Variants in VARS2 observed in about 807,000 individuals in gnomAD.
VARS2 encodes valine--tRNA ligase, mitochondrial.
A neutral mutation model predicts 154.1 loss-of-function variants in VARS2; 105 were observed. The ratio of observed to expected loss-of-function variants is 0.68; its 90% confidence interval spans 0.58 to 0.80. VARS2 has a LOEUF of 0.80. Among genes scored for constraint, VARS2 ranks in the 30% least tolerant of loss-of-function variants. The pLI is 0.00. For synonymous variants in VARS2, 483 were observed against 539.5 expected (o/e 0.90, Z 1.45); for missense variants, 1,157 against 1,361.4 (o/e 0.85, Z 2.36).
Position 30,921,493 on chromosome 6 carries a change from C to A in VARS2, c.1633-96C>A. ...TTATCTCACCCCTGGGGGAACCTGGCCACTCTAAGACCACATGAGGACGTG... is the reference window on the plus strand; with the variant it reads ...TTATCTCACCCCTGGGGGAACCTGGACACTCTAAGACCACATGAGGACGTG... On this transcript the variant is annotated intron_variant, in intron 17 of 29. Coordinates refer to ENST00000676266, the MANE Select transcript of VARS2 (RefSeq NM_020442.6). This position sits in a 1 kb window ranked among gnomAD's most constrained non-coding sequence, Gnocchi z 4.6. 6.8e-7 allele frequency: 1 copy of A among 1,474,280 alleles called. No individual in the cohort carries two copies. The highest frequency in any genetic ancestry group is 1.2e-5 in the South Asian group (1 of 82,724). 91.3% of individuals were successfully genotyped at this position (1,474,280 alleles called of 1,614,324 possible).
At position 30,915,215 on chromosome 6, in the gene VARS2, T is replaced by C. The variant is rs1032521972; in HGVS notation, c.261T>C (p.Pro87=). The C allele has an allele frequency of 3.1e-6, 5 of 1,614,212 alleles. No individual in the cohort carries two copies. The highest frequency in any genetic ancestry group is 4.2e-6 in the Non-Finnish European group (5 of 1,180,020). The stretch of plus-strand genomic sequence containing the variant: ...AGGAGTTAGTATTGTATGAAATCCC[T>C]ACGAAACCCGGTGAAAAGAAAGGTA... The part of the protein sequence containing the change: ...RPKELVLYEI[P]TKPGEKKDVS... The change falls in exon 3 of 30, where the codon CCT becomes CCC. Residue 87 remains proline (P), a synonymous_variant. Coordinates refer to ENST00000676266, the MANE Select transcript of VARS2 (RefSeq NM_020442.6).
Position 30,914,458 on chromosome 6 carries a change from G to T in VARS2, c.-28+114G>T, listed in dbSNP as rs1410952588. 39 of 1,301,500 alleles carry T rather than the reference G, an allele frequency of 3.0e-5. No homozygotes were observed. Among genetic ancestry groups the T allele is most frequent in the Admixed American group, 3.8e-5 (1 of 26,126 alleles). 80.6% of individuals were successfully genotyped at this position (1,301,500 alleles called of 1,614,324 possible). On this transcript the variant is annotated intron_variant, in intron 1 of 29. Transcript: ENST00000676266. ...CGCCGGGCTGTGGGCACTGCAGGAG[G>T]CCCCTGTGCAGGTGGAGATCGCCGC...
Position 30,915,057 on chromosome 6 carries a change from G to A in VARS2, c.201+20G>A. 6.2e-7 allele frequency: 1 copy of A among 1,612,900 alleles called. No homozygotes were observed. The highest frequency in any genetic ancestry group is 8.5e-7 in the Non-Finnish European group (1 of 1,179,524). ...AGCAAGGTTAGGGGTCAGACAGCTT[G>A]TCCTTGGGTTTCTGAGACTTGAGAG... On this transcript the variant is annotated intron_variant, in intron 2 of 29. Coordinates refer to ENST00000676266, the MANE Select transcript of VARS2 (RefSeq NM_020442.6).
In VARS2 at chr6:30,920,483, T is replaced by C. The variant is rs373172402; in HGVS notation, c.1397+47T>C. 2.5e-5 allele frequency: 38 copies of C among 1,543,148 alleles called. No individual in the cohort carries two copies. Among genetic ancestry groups the C allele is most frequent in the Non-Finnish European group, 3.2e-5 (36 of 1,141,648 alleles). ...TACTAAGGGCTACCCCAAAAGGGAA[T>C]GTATGGAGCTTAAGGGTGACAATAG... On this transcript the variant is annotated intron_variant, in intron 14 of 29. Transcript: ENST00000676266. The surrounding 1 kb of genome is among the most constrained non-coding windows in gnomAD (Gnocchi z 4.6).
rs542371741 is a variant in VARS2 at position 30,918,748 on chromosome 6, G to T, written c.986-79G>T. On this transcript the variant is annotated intron_variant, in intron 10 of 29. Coordinates refer to ENST00000676266, the MANE Select transcript of VARS2 (RefSeq NM_020442.6). Reference sequence around the variant, plus strand: ...TACTCCCTGCCCCTTCCCCTTTCCAGTTCTACTGCCTTTAGCTATGTTGGC... The same window carrying T: ...TACTCCCTGCCCCTTCCCCTTTCCATTTCTACTGCCTTTAGCTATGTTGGC... 5 of 1,190,584 alleles carry T rather than the reference G, an allele frequency of 4.2e-6. No individual in the cohort carries two copies. The South Asian group carries it at 5.3e-5, about 13-fold the overall frequency. The allele number at this position is 1,190,584 out of a possible 1,614,324, so 73.8% of individuals were successfully genotyped here.
Position 30,920,125 on chromosome 6 carries a change from A to C in VARS2, c.1202A>C (p.Asp401Ala). ...GTGACTCCAGCTCACAGTCCTGCCG[A>C]TGCTGAGATGGGGGCCCGACATGGC... ...VKVTPAHSPA[D>A]AEMGARHGLS... The change falls in exon 13 of 30, where the codon GAT (aspartate) becomes GCT (alanine). Residue 401 changes from aspartate to alanine, a missense_variant. Asp to Ala is a moderately radical substitution (Grantham distance 126, BLOSUM62 -2). Transcript: ENST00000676266. This position sits in a 1 kb window ranked among gnomAD's most constrained non-coding sequence, Gnocchi z 4.6. The C allele has an allele frequency of 6.3e-7, 1 of 1,582,422 alleles. No homozygotes were observed. Among genetic ancestry groups the C allele is most frequent in the Non-Finnish European group, 8.6e-7 (1 of 1,163,920 alleles).
intron 19 of VARS2, 32 bp from the exon 20 acceptor site, chr6:30,922,084 C>A: frequency 6.2e-7 from 1 of 1,612,384 alleles, no homozygotes; most frequent in South Asian, 1.1e-5. Flanking sequence ...GGGCCTGGGG[C>A]CTGGGCCTCT....
intron 4 of VARS2, 53 bp from the exon 5 acceptor site, chr6:30,915,693 T>C: frequency 6.2e-7 from 1 of 1,605,810 alleles, no homozygotes; most frequent in Non-Finnish European, 8.5e-7. Context: ...TAGAGGGTGC[T>C]CTTTCCCCAA....
rs899631415 is a variant in VARS2 at position 30,916,799 on chromosome 6, A to G, written c.672-79A>G. The G allele has an allele frequency of 2.1e-6, 3 of 1,441,448 alleles. No individual in the cohort carries two copies. Among genetic ancestry groups the G allele is most frequent in the African/African-American group, 1.4e-5 (1 of 71,526 alleles). The allele number at this position is 1,441,448 out of a possible 1,614,324, so 89.3% of individuals were successfully genotyped here. A position where few individuals can be genotyped will look rare whatever the true frequency, so the allele number is the denominator to read the frequency against. ...ACTTGATTTTCCTCCAACACCTGGCATTGCTGGGGGCATCGCTGGGCCTGG... is the reference window on the plus strand; with the variant it reads ...ACTTGATTTTCCTCCAACACCTGGCGTTGCTGGGGGCATCGCTGGGCCTGG... On this transcript the variant is annotated intron_variant, in intron 7 of 29. Coordinates refer to ENST00000676266, the MANE Select transcript of VARS2 (RefSeq NM_020442.6). This position sits in a 1 kb window ranked among gnomAD's most constrained non-coding sequence, Gnocchi z 4.0.
At position 30,922,569 on chromosome 6, in the gene VARS2, C is replaced by T. The variant is rs776231339; in HGVS notation, c.2037+15C>T. 3 of 1,556,672 alleles carry T rather than the reference C, an allele frequency of 1.9e-6. No homozygotes were observed. The highest frequency in any genetic ancestry group is 8.7e-7 in the Non-Finnish European group (1 of 1,151,076). ...TGGAGATGCAGGTGAGGACGAAGCA[C>T]CCACTAGAGGGACAAGGTTTGCAGG... On this transcript the variant is annotated intron_variant, in intron 21 of 29. Transcript: ENST00000676266.
Position 30,917,705 on chromosome 6 carries a change from G to A in VARS2, c.884G>A (p.Arg295Gln), listed in dbSNP as rs748662260. Reference protein sequence around the residue: ...SAISDIEVENRPLPGHTQLRL... With the variant: ...SAISDIEVENQPLPGHTQLRL... Reference sequence around the variant, plus strand: ...TCTCGGTGCCTCCAGGTGGAGAACCGGCCCCTGCCTGGCCACACACAGCTT... The same window carrying A: ...TCTCGGTGCCTCCAGGTGGAGAACCAGCCCCTGCCTGGCCACACACAGCTT... Residue 295 changes from arginine to glutamine, a missense_variant, in exon 10 of 30, where the codon CGG (arginine) becomes CAG (glutamine). Transcript: ENST00000676266. The surrounding 1 kb of genome is among the most constrained non-coding windows in gnomAD (Gnocchi z 4.4). 7 of 1,558,944 alleles carry A rather than the reference G, an allele frequency of 4.5e-6. No homozygotes were observed. The highest frequency in any genetic ancestry group is 1.8e-4 in the Middle Eastern group (1 of 5,706).
intron 25 of VARS2, 179 bp downstream of exon 25, chr6:30,923,684 C>G (rs917125483): frequency 1.2e-6 from 1 of 866,970 alleles, no homozygotes; most frequent in African/African-American, 1.7e-5. Context: ...CAGTGCAGCC[C>G]AGGCACTGTT....
In VARS2 at chr6:30,919,722, A is replaced by T; in HGVS notation, c.1075-36A>T. 6.7e-7 allele frequency: 1 copy of T among 1,501,298 alleles called. No individual in the cohort carries two copies. The highest frequency in any genetic ancestry group is 9.0e-7 in the Non-Finnish European group (1 of 1,116,640). 93.0% of individuals were successfully genotyped at this position (1,501,298 alleles called of 1,614,324 possible). On this transcript the variant is annotated intron_variant, in intron 11 of 29. Transcript: ENST00000676266. The surrounding 1 kb of genome is among the most constrained non-coding windows in gnomAD (Gnocchi z 4.5). ...CAGCCCAGACCCTTCCAACCCTCAC[A>T]GGTGCCTGTCCTTGATCCCTCTCCC... is the stretch of plus-strand genomic sequence containing the variant.
chr6:30,922,796 C>G (rs1308861221), intron 22 of VARS2, 22 bp downstream of exon 22: 1 of 1,596,922 alleles, frequency 6.3e-7, no homozygotes, highest in East Asian at 2.2e-5. Context: ...CTGCCTGCCC[C>G]CCACCAGCTC....
Position 30,920,109 on chromosome 6 carries a change from G to C in VARS2, c.1186G>C (p.Ala396Pro). The C allele has an allele frequency of 6.4e-7, 1 of 1,558,724 alleles. No homozygotes were observed. Among genetic ancestry groups the C allele is most frequent in the Non-Finnish European group, 8.7e-7 (1 of 1,154,566 alleles). The change falls in exon 13 of 30, where the codon GCT becomes CCT. Residue 396 changes from alanine (A) to proline (P), a missense_variant. Ala to Pro is a conservative substitution (Grantham distance 27). Coordinates refer to ENST00000676266, the MANE Select transcript of VARS2 (RefSeq NM_020442.6). This position sits in a 1 kb window ranked among gnomAD's most constrained non-coding sequence, Gnocchi z 4.6. ...VGTGAVKVTP[A>P]HSPADAEMGA... ...CCAAGGGGCAGTGAAGGTGACTCCA[G>C]CTCACAGTCCTGCCGATGCTGAGAT...
chr6:30,919,803 C>T lies in VARS2; in HGVS notation c.1120C>T (p.Leu374Phe), dbSNP rs2150558437. 6.3e-7 allele frequency: 1 copy of T among 1,596,984 alleles called. No individual in the cohort carries two copies. The highest frequency in any genetic ancestry group is 8.6e-7 in the Non-Finnish European group (1 of 1,168,578). ...QLRHPLMGQP[L>F]PLITDYAVQP... ...TCGTCACCCCTTGATGGGGCAGCCTCTTCCCCTCATCACAGACTATGCTGT... is the reference window on the plus strand; with the variant it reads ...TCGTCACCCCTTGATGGGGCAGCCTTTTCCCCTCATCACAGACTATGCTGT... Residue 374 changes from leucine (L) to phenylalanine (F), a missense_variant, in exon 12 of 30, where the codon CTT becomes TTT. Coordinates refer to ENST00000676266, the MANE Select transcript of VARS2 (RefSeq NM_020442.6). The surrounding 1 kb of genome is among the most constrained non-coding windows in gnomAD (Gnocchi z 4.5).
In VARS2 at chr6:30,916,216, C is replaced by G. The variant is rs1224464279; in HGVS notation, c.638C>G (p.Ala213Gly). ...GVRRHELSRE[A>G]FLREVWQWKE... ...AGGAGACATGAGCTGAGCCGGGAGGCCTTCCTTAGGGAGGTGTGGCAGTGG... is the reference window on the plus strand; with the variant it reads ...AGGAGACATGAGCTGAGCCGGGAGGGCTTCCTTAGGGAGGTGTGGCAGTGG... Residue 213 changes from alanine (A) to glycine (G), a missense_variant, in exon 7 of 30, where the codon GCC becomes GGC. By Grantham distance (60) the Ala-to-Gly change is moderately conservative (BLOSUM62 0). Coordinates refer to ENST00000676266, the MANE Select transcript of VARS2 (RefSeq NM_020442.6). This position sits in a 1 kb window ranked among gnomAD's most constrained non-coding sequence, Gnocchi z 4.0. 1 of 1,613,472 alleles carries G rather than the reference C, an allele frequency of 6.2e-7. No homozygotes were observed. The highest frequency in any genetic ancestry group is 1.1e-5 in the South Asian group (1 of 91,046).
intron 26 of VARS2, 84 bp from the exon 27 acceptor site, chr6:30,925,190 G>A (rs1794755938): frequency 4.2e-6 from 4 of 943,292 alleles, no homozygotes. Context: ...AGATGGGGTG[G>A]ATGGGTCGAG....
At chr6:30,925,416 C>G in intron 27 of VARS2, 31 bp downstream of exon 27, 1 of 1,590,096 alleles carries the variant, frequency 6.3e-7, no homozygotes, top group Non-Finnish European at 8.6e-7. Context: ...GGCTCGGATC[C>G]CTGCAGGAAA....
Sources: allele counts gnomAD v4.1 joint callset, GRCh38; gene constraint gnomAD v4.1.1; non-coding constraint Gnocchi (gnomAD v3.1); transcripts MANE v1.5; gene names NCBI Gene and HGNC (gene_info 2026-07-23, HGNC 2026-07-21).